Variants in CEMIP2 observed in about 807,000 individuals in gnomAD.
CEMIP2 encodes cell surface hyaluronidase CEMIP2.
Under a neutral mutation model 146.9 loss-of-function variants are expected in CEMIP2, and 79 were observed. That is an observed-to-expected ratio of 0.54 (90% confidence interval 0.45 to 0.65). The LOEUF (loss-of-function observed/expected upper bound fraction) is 0.65. Ranked by LOEUF, CEMIP2 falls within the 30% of genes least tolerant of loss-of-function variation. The pLI is 0.00. For missense variants in CEMIP2, 1,596 were observed against 1,696.2 expected (o/e 0.94, Z 1.04); for synonymous variants, 601 against 606.3 (o/e 0.99, Z 0.13).
chr9:71,704,390 A>G (rs1293167726), intron 18 of CEMIP2: 2 of 571,748 alleles, frequency 3.5e-6, no homozygotes, highest in East Asian at 6.1e-5. Context: ...GACCACAGAG[A>G]AAAAAAAAGC....
chr9:71,714,888 C>T (rs1823002841), intron 15 of CEMIP2, 46 bp downstream of exon 15: 2 of 1,587,646 alleles, frequency 1.3e-6, no homozygotes, highest in Non-Finnish European at 1.7e-6. Context: ...GTTAGGTTTT[C>T]CTTTATTGCT....
intron 2 of CEMIP2, among the ~76,000 whole-genome samples, chr9:71,746,596 C>CAAAAAAAAAAAAAAAAAAAAAAA (rs5898226): frequency 2.7e-5 from 2 of 75,180 alleles, no homozygotes; most frequent in African/African-American, 1.1e-4. Flanking sequence ...CAAACTTCAC[C>CAAAAAAAAAAAAAAAAAAAAAAA]AAAAAAAAAA....
chr9:71,728,269 A>ATATACACG (rs1268105374), intron 10 of CEMIP2, among the ~76,000 whole-genome samples: 2 of 15,088 alleles, frequency 1.3e-4, no homozygotes, highest in Admixed American at 1.2e-3. Context: ...ACGTATATAT[A>ATATACACG]TATATATATA....
At position 71,685,843 on chromosome 9, in the gene CEMIP2, G is replaced by T; in HGVS notation, c.3855C>A (p.Ser1285=). ...EYLKTGIPPR[S]IVLLSTRGEI... ...CTCCTCTTGTGCTCAACAGAACAAT[G>T]GACCTGTATGTGAAATTTAGAAAGT... The change falls in exon 23 of 24, where the codon TCC becomes TCA. Residue 1285 remains serine, a synonymous_variant. Transcript: ENST00000377044. 6.2e-7 allele frequency: 1 copy of T among 1,612,400 alleles called. No homozygotes were observed. Among genetic ancestry groups the T allele is most frequent in the Non-Finnish European group, 8.5e-7 (1 of 1,178,694 alleles).
intron 1 of CEMIP2, among the ~76,000 whole-genome samples, chr9:71,758,158 A>G (rs1331191843): frequency 1.3e-5 from 2 of 152,210 alleles, no homozygotes; most frequent in East Asian, 3.9e-4. Context: ...ACATACAGCT[A>G]TTTATGAGAA....
At chr9:71,709,922 T>C (rs947032103) in intron 16 of CEMIP2, among the ~76,000 whole-genome samples, 8 of 152,204 alleles carry the variant, frequency 5.3e-5, no homozygotes, top group Non-Finnish European at 1.5e-5. Context: ...ATAAAAAATC[T>C]ATGATAAGTT....
rs1342438633 is a variant in CEMIP2, at chr9:71,728,277, ATATG to A, written c.2049+1564_2049+1567del. On this transcript the variant is annotated intron_variant, in intron 10 of 23. Coordinates refer to ENST00000377044, the MANE Select transcript of CEMIP2 (RefSeq NM_013390.3). ...TATATACACGTATATATATATATAT[ATATG>A]TATATATATATATATATATACATAT... is the stretch of plus-strand genomic sequence containing the variant. 1.1e-3 allele frequency among the ~76,000 whole-genome samples: 12 copies of A among 10,772 alleles called. 1 individual carries two copies. The highest frequency in any genetic ancestry group is 3.0e-3 in the South Asian group (1 of 328). The allele number at this position is 10,772 out of a possible 152,430, so 7.1% of individuals were successfully genotyped here.
At chr9:71,763,247 A>T (rs1368157780) in intron 1 of CEMIP2, among the ~76,000 whole-genome samples, 1 of 152,138 alleles carries the variant, frequency 6.6e-6, no homozygotes, top group Non-Finnish European at 1.5e-5. Flanking sequence ...CATTACAGAG[A>T]CCATTAAGAC....
chr9:71,746,596 C>CAAAAAAAAAAAAAAAAAA (rs5898226), intron 2 of CEMIP2, among the ~76,000 whole-genome samples: 2 of 75,176 alleles, frequency 2.7e-5, no homozygotes, highest in African/African-American at 1.1e-4. Context: ...CAAACTTCAC[C>CAAAAAAAAAAAAAAAAAA]AAAAAAAAAA....
Position 71,750,332 on chromosome 9 carries a change from G to A in CEMIP2, c.42C>T (p.Leu14=), listed in dbSNP as rs1056439518. Residue 14 remains leucine (L), a synonymous_variant, in exon 2 of 24, where the codon CTC becomes CTT. Coordinates refer to ENST00000377044, the MANE Select transcript of CEMIP2 (RefSeq NM_013390.3). ...TDSRGHSPAF[L]QPQNGNSRHP... ...GACGACTATTTCCATTCTGAGGTTG[G>A]AGGAAAGCAGGGGAGTGTCCCCTGG... is the stretch of plus-strand genomic sequence containing the variant. 1.8e-5 allele frequency: 29 copies of A among 1,613,724 alleles called. No homozygotes were observed. The highest frequency in any genetic ancestry group is 2.4e-5 in the Non-Finnish European group (28 of 1,179,974).
At chr9:71,711,636 T>C (rs1171167894) in intron 16 of CEMIP2, among the ~76,000 whole-genome samples, 1 of 152,002 alleles carries the variant, frequency 6.6e-6, no homozygotes, top group Non-Finnish European at 1.5e-5. Flanking sequence ...CTAATTTGTA[T>C]CACACTGCCA....
intron 12 of CEMIP2, among the ~76,000 whole-genome samples, 179 bp downstream of exon 12, chr9:71,722,248 T>TA (rs1823254363): frequency 1.3e-5 from 2 of 152,298 alleles, no homozygotes; most frequent in South Asian, 4.1e-4. Flanking sequence ...TTCAATAAGA[T>TA]AAAAGACCAG....
intron 18 of CEMIP2, among the ~76,000 whole-genome samples, chr9:71,703,157 G>T (rs957008553): frequency 1.3e-5 from 2 of 152,180 alleles, no homozygotes; most frequent in African/African-American, 2.4e-5. Context: ...GGCAAGAGAT[G>T]GTGAGGGCTT....
chr9:71,719,354 G>A (rs1317791124), intron 12 of CEMIP2, among the ~76,000 whole-genome samples: 1 of 152,180 alleles, frequency 6.6e-6, no homozygotes, highest in African/African-American at 2.4e-5. Flanking sequence ...GGAACAGCAA[G>A]GAAGTTTGCT....
intron 22 of CEMIP2, chr9:71,687,020 AC>A (rs1563990101): frequency 6.6e-6 from 1 of 152,230 alleles, no homozygotes; most frequent in Non-Finnish European, 1.5e-5. Flanking sequence ...CAACATACAT[AC>A]TTGGACCTAT....
chr9:71,722,493 C>T lies in CEMIP2; in HGVS notation c.2201G>A (p.Gly734Asp). 1.2e-6 allele frequency: 2 copies of T among 1,613,282 alleles called. No individual in the cohort carries two copies. Among genetic ancestry groups the T allele is most frequent in the Non-Finnish European group, 8.5e-7 (1 of 1,179,622 alleles). The change falls in exon 12 of 24, where the codon GGT becomes GAT. Residue 734 changes from glycine (G) to aspartate (D), a missense_variant. By Grantham distance (94) the Gly-to-Asp change is moderately conservative. Coordinates refer to ENST00000377044, the MANE Select transcript of CEMIP2 (RefSeq NM_013390.3). ...AGCACTAGAGTTGGTTGTTTTGACA[C>T]CTTTGTCAATAAATAAGCCAGCCTG... Reference protein sequence around the residue: ...NFKAGLFIDKGVKTTNSSAAD... With the variant: ...NFKAGLFIDKDVKTTNSSAAD...
intron 1 of CEMIP2, among the ~76,000 whole-genome samples, chr9:71,765,854 A>G (rs1824774086): frequency 6.6e-6 from 1 of 152,078 alleles, no homozygotes; most frequent in African/African-American, 2.4e-5. Flanking sequence ...CTTTACCAAC[A>G]TGAATGCTCC....
At chr9:71,732,285 A>G in intron 7 of CEMIP2, 66 bp downstream of exon 7, 1 of 1,465,916 alleles carries the variant, frequency 6.8e-7, no homozygotes. Flanking sequence ...CCAAAACTTG[A>G]CAGTTTCTTC....
intron 22 of CEMIP2, among the ~76,000 whole-genome samples, chr9:71,689,445 C>T (rs1822163036): frequency 6.6e-6 from 1 of 152,178 alleles, no homozygotes. Flanking sequence ...TCTCACCAAC[C>T]CAGAAAAAGA....
Sources: gnomAD v4.1 joint callset for allele counts (sites outside exome capture counted in the v4.1 genomes callset) on GRCh38, gnomAD v4.1.1 for gene constraint, MANE v1.5 for transcripts, NCBI Gene and HGNC (gene_info 2026-07-23, HGNC 2026-07-21) for gene names.